ASIC2: variants seen among roughly 807,000 people sequenced by gnomAD.
The protein encoded by ASIC2 is acid sensing ion channel subunit 2, also known as acid-sensing ion channel 2.
In ASIC2, 25 loss-of-function variants were observed where a neutral mutation model predicts 57.3. That is an observed-to-expected ratio of 0.44 (90% CI 0.32 to 0.61). ASIC2 has a LOEUF of 0.61. Ranked by LOEUF, ASIC2 falls within the 20% of genes least tolerant of loss-of-function variation. The probability of loss-of-function intolerance (pLI) is 0.06; values close to 1 mark genes in which losing one functional copy is unlikely to be tolerated. For synonymous variants in ASIC2, 319 were observed against 307.5 expected, an observed-to-expected ratio of 1.04 and a Z score of -0.39; for missense variants, 641 against 738.1, an observed-to-expected ratio of 0.87 and a Z score of 1.52.
At position 33,174,800 on chromosome 17, in the gene ASIC2, A is replaced by G. The variant is rs186606892; in HGVS notation, c.709-62733T>C. 2.2e-3 allele frequency among the ~76,000 whole-genome samples: 331 copies of G among 152,264 alleles called. 3 individuals are homozygous for G. The highest frequency in any genetic ancestry group is 0.01 in the Middle Eastern group (3 of 294). On this transcript the variant is annotated intron_variant, in intron 1 of 9. Coordinates refer to ENST00000225823, the MANE Select transcript of ASIC2 (RefSeq NM_183377.2). The stretch of plus-strand genomic sequence containing the variant: ...TGGGTCCCTGAGTCACCTGCTGTTG[A>G]TCTACATAGGACATGTAACGTGAGC...
At chr17:33,813,893 G>A (rs1912501626) in intron 1 of ASIC2, among the ~76,000 whole-genome samples, 1 of 152,168 alleles carries the variant, frequency 6.6e-6, no homozygotes, top group Non-Finnish European at 1.5e-5. Context: ...AAATCTGTTG[G>A]TTTCCTGAGG....
intron 1 of ASIC2, among the ~76,000 whole-genome samples, chr17:33,253,616 G>A (rs1908959180): frequency 6.6e-6 from 1 of 152,208 alleles, no homozygotes; most frequent in African/African-American, 2.4e-5. Context: ...CTGGCAGATA[G>A]GATCCTCTTT....
At chr17:33,819,307 CCTCT>C (rs1483805191) in intron 1 of ASIC2, among the ~76,000 whole-genome samples, 1 of 152,208 alleles carries the variant, frequency 6.6e-6, no homozygotes, top group South Asian at 2.1e-4. Context: ...ACCCTCCGCT[CCTCT>C]CTCTATTGCT....
chr17:33,525,732 G>A (rs1233424760), intron 1 of ASIC2, among the ~76,000 whole-genome samples: 3 of 152,278 alleles, frequency 2.0e-5, no homozygotes, highest in African/African-American at 7.2e-5. Context: ...ATGTATCTTA[G>A]CAGCTTTGCT....
At chr17:33,400,808 TCCCTGCCAC>T (rs926599439) in intron 1 of ASIC2, among the ~76,000 whole-genome samples, 1 of 152,084 alleles carries the variant, frequency 6.6e-6, no homozygotes, top group Non-Finnish European at 1.5e-5. Context: ...CTGCCCCCTA[TCCCTGCCAC>T]CCCTGCCACC....
intron 1 of ASIC2, among the ~76,000 whole-genome samples, chr17:33,197,735 A>G (rs1203967771): frequency 6.6e-6 from 1 of 152,184 alleles, no homozygotes; most frequent in East Asian, 1.9e-4. Context: ...ACAATTCGGG[A>G]GAGCTGTGGG....
At chr17:33,375,950 G>A (rs1032462219) in intron 1 of ASIC2, among the ~76,000 whole-genome samples, 4 of 152,108 alleles carry the variant, frequency 2.6e-5, no homozygotes, top group Admixed American at 6.6e-5. Flanking sequence ...TCAAGTTATC[G>A]ACACAATGAG....
At chr17:33,083,795 C>G (rs1301367727) in intron 3 of ASIC2, among the ~76,000 whole-genome samples, 1 of 152,120 alleles carries the variant, frequency 6.6e-6, no homozygotes, top group Non-Finnish European at 1.5e-5. Context: ...CCAGGCTAGG[C>G]AGGGACTCCA....
chr17:33,900,838 A>G (rs1915217306), intron 1 of ASIC2, among the ~76,000 whole-genome samples: 1 of 152,192 alleles, frequency 6.6e-6, no homozygotes, highest in African/African-American at 2.4e-5. Context: ...ATGCAGGAGG[A>G]TGCAAATTTC....
chr17:33,883,517 G>T (rs910136275), intron 1 of ASIC2, among the ~76,000 whole-genome samples: 2 of 152,164 alleles, frequency 1.3e-5, no homozygotes, highest in Non-Finnish European at 2.9e-5. Flanking sequence ...TCCACAGGCT[G>T]CCCCTAAGCA....
At chr17:33,510,221 A>C (rs1196889920) in intron 1 of ASIC2, among the ~76,000 whole-genome samples, 1 of 152,182 alleles carries the variant, frequency 6.6e-6, no homozygotes, top group African/African-American at 2.4e-5. Context: ...TGTGAGCTAA[A>C]TCTGACCTGT....
intron 1 of ASIC2, among the ~76,000 whole-genome samples, chr17:33,543,305 A>C (rs1358696819): frequency 6.8e-6 from 1 of 147,094 alleles, no homozygotes; most frequent in Non-Finnish European, 1.5e-5. Flanking sequence ...ACAAAAACAA[A>C]AAAAACAAAT....
intron 1 of ASIC2, among the ~76,000 whole-genome samples, chr17:33,900,017 C>T (rs1915196740): frequency 6.6e-6 from 1 of 152,210 alleles, no homozygotes; most frequent in African/African-American, 2.4e-5. Context: ...ACCCTAATTA[C>T]TTCCTTGTAA....
rs1350879831 is a variant in ASIC2, at chr17:33,653,294, G to A, written c.555+502684C>T. Among the ~76,000 whole-genome samples the A allele has an allele frequency of 2.0e-5, 3 of 152,122 alleles. No homozygotes were observed. In the East Asian group the frequency reaches 5.8e-4, roughly 29 times the overall value. ...TAATCAGTGAGGCCTCCCTAACTAT[G>A]GCATTTACAATAGCATCATCCCACC... is the stretch of plus-strand genomic sequence containing the variant. On this transcript the variant is annotated intron_variant, in intron 1 of 9. Coordinates refer to the ASIC2 transcript ENST00000359872.
chr17:34,022,604 G>A (rs1487825738), intron 1 of ASIC2, among the ~76,000 whole-genome samples: 1 of 145,192 alleles, frequency 6.9e-6, no homozygotes, highest in African/African-American at 2.6e-5. Flanking sequence ...AGCTCCCACA[G>A]TCTGGTCTTC....
At chr17:33,192,384 A>AAAAACAAAACAAAAC (rs149064811) in intron 1 of ASIC2, among the ~76,000 whole-genome samples, 1 of 142,890 alleles carries the variant, frequency 7.0e-6, no homozygotes, top group Non-Finnish European at 1.5e-5. Flanking sequence ...ACTCAGTCTC[A>AAAAACAAAACAAAAC]AAAACAAAAC....
intron 1 of ASIC2, among the ~76,000 whole-genome samples, chr17:33,626,360 C>A (rs1486682132): frequency 6.6e-6 from 1 of 152,094 alleles, no homozygotes; most frequent in Non-Finnish European, 1.5e-5. Flanking sequence ...TGCAAGTATA[C>A]CATATATCAT....
At chr17:33,376,619 G>A (rs1401381910) in intron 1 of ASIC2, among the ~76,000 whole-genome samples, 1 of 152,138 alleles carries the variant, frequency 6.6e-6, no homozygotes, top group Non-Finnish European at 1.5e-5. Context: ...TAAAAGCAAG[G>A]AAATTGGCAA....
At chr17:33,799,722 C>T (rs202088377) in intron 1 of ASIC2, among the ~76,000 whole-genome samples, 1 of 151,330 alleles carries the variant, frequency 6.6e-6, no homozygotes, top group Non-Finnish European at 1.5e-5. Context: ...GAAGAAAACA[C>T]AAGCCACATC....
Sources: gnomAD v4.1 joint callset for allele counts (sites outside exome capture counted in the v4.1 genomes callset) on GRCh38, gnomAD v4.1.1 for gene constraint, MANE v1.5 for transcripts, NCBI Gene and HGNC (gene_info 2026-07-23, HGNC 2026-07-21) for gene names.